The following RARRES1 variants were observed in gnomAD, a reference collection of about 807,000 sequenced individuals.
The protein encoded by RARRES1 is retinoic acid receptor responder protein 1.
A neutral mutation model predicts 30.6 loss-of-function variants in RARRES1; 34 were observed. The observed-to-expected ratio is 1.11, with a 90% confidence interval of 0.84 to 1.48. The LOEUF is 1.48. Among genes scored for constraint, RARRES1 ranks in the 40% most tolerant of loss-of-function variants. RARRES1 has a pLI of 0.00. For synonymous variants in RARRES1, 153 were observed against 155.5 expected, an observed-to-expected ratio of 0.98 and a Z score of 0.12; for missense variants, 373 against 386.5, an observed-to-expected ratio of 0.97 and a Z score of 0.29.
At chr3:158,720,531 ACT>A (rs1051510211) in intron 1 of RARRES1, among the ~76,000 whole-genome samples, 15 of 148,856 alleles carry the variant, frequency 1.0e-4, no homozygotes, top group African/African-American at 3.9e-4. Context: ...TTCCTCTGAG[ACT>A]CTGGGTAGAA....
At chr3:158,711,008 A>G in intron 2 of RARRES1, 75 bp from the exon 3 acceptor site, 1 of 1,398,700 alleles carries the variant, frequency 7.1e-7, no homozygotes, top group Non-Finnish European at 9.9e-7. Context: ...GATTGAGAAG[A>G]GTTCATTGTA....
intron 2 of RARRES1, among the ~76,000 whole-genome samples, chr3:158,712,214 G>A (rs886346771): frequency 6.6e-6 from 1 of 152,054 alleles, no homozygotes; most frequent in African/African-American, 2.4e-5. Flanking sequence ...TACTTTTGTG[G>A]TTGTTTAAAC....
intron 1 of RARRES1, among the ~76,000 whole-genome samples, chr3:158,719,005 A>T (rs1188286264): frequency 1.3e-5 from 2 of 152,212 alleles, no homozygotes; most frequent in Admixed American, 1.3e-4. Flanking sequence ...AGAACTGCCC[A>T]TCTGTGAAAC....
At chr3:158,698,398 T>C (rs1353401209) in intron 4 of RARRES1, among the ~76,000 whole-genome samples, 1 of 152,220 alleles carries the variant, frequency 6.6e-6, no homozygotes, top group African/African-American at 2.4e-5. Context: ...TCTCATCTAA[T>C]TCTCCTTTAC....
chr3:158,727,152 T>C (rs1476140403), intron 1 of RARRES1, among the ~76,000 whole-genome samples: 1 of 152,202 alleles, frequency 6.6e-6, no homozygotes, highest in Non-Finnish European at 1.5e-5. Flanking sequence ...CTTTATAAAT[T>C]ACCCAGTCTC....
chr3:158,718,530 C>T (rs1014104374), intron 1 of RARRES1, among the ~76,000 whole-genome samples: 5 of 152,192 alleles, frequency 3.3e-5, no homozygotes, highest in African/African-American at 1.2e-4. Flanking sequence ...GGACAGGGCC[C>T]ATTGCTGGGT....
chr3:158,725,975 G>A (rs2108153852), intron 1 of RARRES1, among the ~76,000 whole-genome samples: 2 of 152,286 alleles, frequency 1.3e-5, no homozygotes, highest in East Asian at 3.9e-4. Flanking sequence ...GCAGTGTGAG[G>A]GCACTGAAGA....
At chr3:158,713,972 T>C in intron 1 of RARRES1, 113 bp from the exon 2 acceptor site, 1 of 949,438 alleles carries the variant, frequency 1.1e-6, no homozygotes, top group Admixed American at 2.3e-5. Context: ...GTAGCATTTA[T>C]ACCTGAATAA....
chr3:158,697,562 A>G lies in RARRES1; in HGVS notation c.*116T>C. The G allele has an allele frequency of 1.7e-6, 2 of 1,144,568 alleles. No homozygotes were observed. Among genetic ancestry groups the G allele is most frequent in the Non-Finnish European group, 1.2e-6 (1 of 813,702 alleles). The allele number at this position is 1,144,568 out of a possible 1,614,324, so 70.9% of individuals were successfully genotyped here. Reference sequence around the variant, plus strand: ...TTTGCATTTCTGAGTTTTTACTTGTAATCATAGGTTTTCCCAAATTATTAG... The same window carrying G: ...TTTGCATTTCTGAGTTTTTACTTGTGATCATAGGTTTTCCCAAATTATTAG... On this transcript the variant is annotated 3_prime_UTR_variant, in exon 6 of 6. Transcript: ENST00000237696.
At chr3:158,700,476 T>C (rs577902912) in intron 4 of RARRES1, among the ~76,000 whole-genome samples, 62 of 152,272 alleles carry the variant, frequency 4.1e-4, no homozygotes, top group African/African-American at 1.4e-3. Context: ...GGTAAAACCC[T>C]CTATCATTTG....
chr3:158,717,049 G>C (rs1727345560), intron 1 of RARRES1, among the ~76,000 whole-genome samples: 1 of 152,232 alleles, frequency 6.6e-6, no homozygotes, highest in African/African-American at 2.4e-5. Flanking sequence ...GCTCTGGTGA[G>C]ATGAGCCGCA....
intron 1 of RARRES1, among the ~76,000 whole-genome samples, chr3:158,728,206 C>T (rs1727750656): frequency 7.2e-6 from 1 of 139,024 alleles, no homozygotes; most frequent in African/African-American, 2.8e-5. Flanking sequence ...TATACTATTT[C>T]GTTTAAAAAA....
intron 1 of RARRES1, among the ~76,000 whole-genome samples, chr3:158,718,080 G>T (rs572677445): frequency 6.6e-6 from 1 of 151,510 alleles, no homozygotes; most frequent in South Asian, 2.1e-4. Context: ...CTGGGTTCAA[G>T]AAATTCTCCT....
intron 1 of RARRES1, among the ~76,000 whole-genome samples, chr3:158,724,526 G>T (rs1439608762): frequency 1.3e-5 from 2 of 152,116 alleles, no homozygotes; most frequent in African/African-American, 2.4e-5. Context: ...AGCACAGGTG[G>T]TCTCTAGAAG....
At chr3:158,720,520 C>T (rs1198852679) in intron 1 of RARRES1, among the ~76,000 whole-genome samples, 1 of 148,400 alleles carries the variant, frequency 6.7e-6, no homozygotes, top group Non-Finnish European at 1.5e-5. Context: ...CAGGGCCATG[C>T]TTCCTCTGAG....
intron 1 of RARRES1, among the ~76,000 whole-genome samples, chr3:158,719,431 C>T (rs2108147279): frequency 6.6e-6 from 1 of 152,038 alleles, no homozygotes; most frequent in Middle Eastern, 3.4e-3. Context: ...GCCACCACAC[C>T]CGGCTAATTT....
intron 1 of RARRES1, 122 bp downstream of exon 1, chr3:158,732,018 C>CGCACT: frequency 9.9e-7 from 1 of 1,014,390 alleles, no homozygotes; most frequent in East Asian, 3.3e-5. Flanking sequence ...GGGCGTCGTG[C>CGCACT]GCACTGCACC....
rs879094429 is a variant in RARRES1, at chr3:158,704,790, C to T, written c.672+1G>A. Reference sequence around the variant, plus strand: ...CAAGTTAATTTTCAGGTTTTTCTTACCCACTGCCTCACACTAGTGAGCTGT... The same window carrying T: ...CAAGTTAATTTTCAGGTTTTTCTTATCCACTGCCTCACACTAGTGAGCTGT... On this transcript the variant is annotated splice_donor_variant, in intron 4 of 5. Coordinates refer to ENST00000237696, the MANE Select transcript of RARRES1 (RefSeq NM_206963.2). LOFTEE classifies it high-confidence loss of function. 1 of 1,611,172 alleles carries T rather than the reference C, an allele frequency of 6.2e-7. No homozygotes were observed. Among genetic ancestry groups the T allele is most frequent in the Non-Finnish European group, 8.5e-7 (1 of 1,178,856 alleles).
chr3:158,732,389 A>T lies in RARRES1; in HGVS notation c.27T>A (p.Pro9=), dbSNP rs6786423. The T allele has an allele frequency of 2.7e-6, 4 of 1,504,056 alleles. No individual in the cohort carries two copies. Among genetic ancestry groups the T allele is most frequent in the Middle Eastern group, 3.7e-4 (2 of 5,372 alleles). 93.2% of individuals were successfully genotyped at this position (1,504,056 alleles called of 1,614,324 possible). MQPRRQRL[P]APWSGPRGPR... ...GGCCCCTGGGCCCGGACCAGGGAGC[A>T]GGCAGCCGTTGCCGGCGGGGCTGCA... The change falls in exon 1 of 6, where the codon CCT becomes CCA. Residue 9 remains proline, a synonymous_variant. Transcript: ENST00000237696.
Sources: allele counts gnomAD v4.1 joint callset (sites outside exome capture counted in the v4.1 genomes callset), GRCh38; gene constraint gnomAD v4.1.1; transcripts MANE v1.5; gene names NCBI Gene and HGNC (gene_info 2026-07-23, HGNC 2026-07-21).